Variants in GRID2 observed in about 807,000 individuals in gnomAD.
GRID2 encodes glutamate ionotropic receptor delta type subunit 2.
Under a neutral mutation model 114.8 loss-of-function variants are expected in GRID2, and 33 were observed. The ratio of observed to expected loss-of-function variants is 0.29; its 90% CI spans 0.22 to 0.38. The LOEUF (loss-of-function observed/expected upper bound fraction) is 0.38. Among genes scored for constraint, GRID2 ranks in the 10% least tolerant of loss-of-function variants. GRID2 has a pLI of 1.00. For synonymous variants in GRID2, 505 were observed against 449.9 expected (o/e 1.12, Z -1.55); for missense variants, 1,184 against 1,257.7 (o/e 0.94, Z 0.89).
At chr4:93,627,749 T>A (rs554744659) in intron 14 of GRID2, among the ~76,000 whole-genome samples, 6 of 152,354 alleles carry the variant, frequency 3.9e-5, no homozygotes, top group Admixed American at 3.9e-4. Context: ...CAGTGCCTCC[T>A]GTGTTTCTTG....
chr4:92,533,377 TAAC>T (rs1460242967), intron 1 of GRID2, among the ~76,000 whole-genome samples: 2 of 152,066 alleles, frequency 1.3e-5, no homozygotes, highest in African/African-American at 2.4e-5. Flanking sequence ...AGTTGGCTTT[TAAC>T]AATACAGAAA....
intron 1 of GRID2, among the ~76,000 whole-genome samples, chr4:92,420,161 C>A (rs1167889631): frequency 1.3e-5 from 2 of 152,060 alleles, no homozygotes; most frequent in East Asian, 3.9e-4. Context: ...GCTGTGACTA[C>A]AAATTCACTC....
chr4:93,279,785 C>G (rs1752462613), intron 8 of GRID2, among the ~76,000 whole-genome samples: 1 of 151,848 alleles, frequency 6.6e-6, no homozygotes, highest in Admixed American at 6.6e-5. Context: ...TGGACAAATA[C>G]AGTTAGAAAA....
intron 2 of GRID2, among the ~76,000 whole-genome samples, chr4:92,972,771 T>C (rs62308162): frequency 0.027 from 4,104 of 152,040 alleles, 95 homozygotes; most frequent in Non-Finnish European, 0.041. Flanking sequence ...TTCCACCCTC[T>C]GAAAGGCCCT....
intron 2 of GRID2, among the ~76,000 whole-genome samples, chr4:92,654,506 G>A (rs920639123): frequency 5.9e-5 from 9 of 152,034 alleles, no homozygotes; most frequent in African/African-American, 1.9e-4. Context: ...TAGTTATGTA[G>A]AGGAGCAGTT....
At chr4:93,712,105 A>G (rs1015495168) in intron 14 of GRID2, among the ~76,000 whole-genome samples, 7 of 152,190 alleles carry the variant, frequency 4.6e-5, no homozygotes, top group African/African-American at 1.7e-4. Flanking sequence ...AACTTTTTAC[A>G]TATTTACAAT....
At chr4:93,104,930 T>G (rs1347521327) in intron 3 of GRID2, among the ~76,000 whole-genome samples, 2 of 151,928 alleles carry the variant, frequency 1.3e-5, no homozygotes, top group Non-Finnish European at 2.9e-5. Context: ...ACCAACAGTG[T>G]AAAAGTGTTC....
chr4:92,753,873 A>C (rs111606574), intron 2 of GRID2, among the ~76,000 whole-genome samples: 3 of 152,324 alleles, frequency 2.0e-5, no homozygotes, highest in African/African-American at 7.2e-5. Context: ...TCATGATACT[A>C]TAGTTTTTAA....
rs534650639 is a variant in GRID2 at position 93,055,248 on chromosome 4, C to A, written c.245-29747C>A. Among the ~76,000 whole-genome samples, 6 of 151,626 alleles carry A rather than the reference C, an allele frequency of 4.0e-5. No homozygotes were observed. The South Asian group carries it at 1.3e-3, about 32-fold the overall frequency. Reference sequence around the variant, plus strand: ...GAAGAGTAGGCTGGAATCATGAGACCTTACTGCACAAAGTTCCACCCCTCT... The same window carrying A: ...GAAGAGTAGGCTGGAATCATGAGACATTACTGCACAAAGTTCCACCCCTCT... On this transcript the variant is annotated intron_variant, in intron 2 of 15. Coordinates refer to ENST00000282020, the MANE Select transcript of GRID2 (RefSeq NM_001510.4).
intron 2 of GRID2, among the ~76,000 whole-genome samples, chr4:92,625,212 T>A (rs1229299165): frequency 2.0e-5 from 3 of 151,836 alleles, no homozygotes; most frequent in Non-Finnish European, 4.4e-5. Flanking sequence ...TTTCTTTAAT[T>A]TAAAAGTTTT....
At chr4:93,084,817 T>A (rs1469882704) in intron 2 of GRID2, among the ~76,000 whole-genome samples, 178 bp from the exon 3 acceptor site, 1 of 152,254 alleles carries the variant, frequency 6.6e-6, no homozygotes, top group Non-Finnish European at 1.5e-5. Flanking sequence ...AGAGCAGAAT[T>A]CTTGGAATAC....
At chr4:93,386,947 G>A (rs1764372817) in intron 8 of GRID2, among the ~76,000 whole-genome samples, 1 of 152,106 alleles carries the variant, frequency 6.6e-6, no homozygotes, top group Non-Finnish European at 1.5e-5. Flanking sequence ...GCTGGCCAGG[G>A]GTCCTAAGTC....
At chr4:93,423,323 ATT>A (rs901905754) in intron 10 of GRID2, among the ~76,000 whole-genome samples, 13 of 105,914 alleles carry the variant, frequency 1.2e-4, no homozygotes, top group Non-Finnish European at 2.0e-5. Flanking sequence ...AATTTGTACT[ATT>A]TTTTTTCTTT....
At chr4:92,920,909 G>A (rs1313991080) in intron 2 of GRID2, among the ~76,000 whole-genome samples, 3 of 152,038 alleles carry the variant, frequency 2.0e-5, no homozygotes, top group African/African-American at 4.8e-5. Context: ...TGCTAGATTG[G>A]GGAAGTTCTC....
At chr4:93,725,628 C>A (rs1418711052) in intron 14 of GRID2, among the ~76,000 whole-genome samples, 1 of 149,440 alleles carries the variant, frequency 6.7e-6, no homozygotes, top group East Asian at 1.9e-4. Flanking sequence ...TATTTCTCCA[C>A]ATCCTCTCCA....
At chr4:92,317,992 A>T (rs898242853) in intron 1 of GRID2, among the ~76,000 whole-genome samples, 2 of 152,106 alleles carry the variant, frequency 1.3e-5, no homozygotes, top group Non-Finnish European at 2.9e-5. Flanking sequence ...TTATGTATAA[A>T]CTGGGTTGTA....
chr4:92,919,447 G>T (rs529248430), intron 2 of GRID2, among the ~76,000 whole-genome samples: 2 of 152,084 alleles, frequency 1.3e-5, no homozygotes, highest in Admixed American at 6.6e-5. Flanking sequence ...TGATGTTAGG[G>T]TGTCAATTTT....
In GRID2 at chr4:93,635,081, C is replaced by A. The variant is rs1034766333; in HGVS notation, c.2360+8646C>A. Among the ~76,000 whole-genome samples, 13 of 152,162 alleles carry A rather than the reference C, an allele frequency of 8.5e-5. No individual in the cohort carries two copies. In the East Asian group the frequency reaches 2.1e-3, roughly 25 times the overall value. On this transcript the variant is annotated intron_variant, in intron 14 of 15. Coordinates refer to ENST00000282020, the MANE Select transcript of GRID2 (RefSeq NM_001510.4). ...TTATTTCTAAGAACCATACAACCTA[C>A]AGATTTCTATTCTGTTGTTGCTCAC...
intron 13 of GRID2, among the ~76,000 whole-genome samples, chr4:93,617,349 T>A (rs966751393): frequency 1.3e-5 from 2 of 152,224 alleles, no homozygotes; most frequent in Non-Finnish European, 2.9e-5. Flanking sequence ...TAACTGTGCA[T>A]TGGTGTCTTT....
Sources: allele counts gnomAD v4.1 joint callset (sites outside exome capture counted in the v4.1 genomes callset), GRCh38; gene constraint gnomAD v4.1.1; transcripts MANE v1.5; gene names NCBI Gene and HGNC (gene_info 2026-07-23, HGNC 2026-07-21).